The following RFX8 variants were observed in gnomAD, a reference collection of about 807,000 sequenced individuals.
The protein encoded by RFX8 is regulatory factor X8, also known as DNA-binding protein RFX8.
A neutral mutation model predicts 54.6 loss-of-function variants in RFX8; 46 were observed. The observed-to-expected ratio is 0.84, with a 90% CI of 0.67 to 1.08. The LOEUF (loss-of-function observed/expected upper bound fraction) is 1.08. RFX8 is among the 50% of genes least tolerant of loss of function. The pLI is 0.00. For synonymous variants in RFX8, 192 were observed against 209.5 expected, an observed-to-expected ratio of 0.92 and a Z score of 0.72; for missense variants, 536 against 562.3, an observed-to-expected ratio of 0.95 and a Z score of 0.47.
intron 2 of RFX8, among the ~76,000 whole-genome samples, chr2:101,432,080 C>T (rs929375274): frequency 1.3e-5 from 2 of 152,114 alleles, no homozygotes; most frequent in Non-Finnish European, 2.9e-5. Flanking sequence ...TCTACCTGGC[C>T]GGACAAAGAC....
intron 7 of RFX8, among the ~76,000 whole-genome samples, chr2:101,413,847 A>G (rs1686315285): frequency 6.6e-6 from 1 of 151,964 alleles, no homozygotes; most frequent in Non-Finnish European, 1.5e-5. Context: ...GTGGGACACA[A>G]CCCCGCTGAG....
At chr2:101,440,966 A>AATTTT (rs1688065606) in intron 2 of RFX8, among the ~76,000 whole-genome samples, 1 of 113,456 alleles carries the variant, frequency 8.8e-6, no homozygotes, top group Non-Finnish European at 1.8e-5. Context: ...CCATGTTGAA[A>AATTTT]TTTTTTTTTT....
In RFX8 at chr2:101,410,717, C is replaced by T. The variant is rs776688880; in HGVS notation, c.719-4G>A. The T allele has an allele frequency of 5.3e-5, 77 of 1,439,936 alleles. 1 individual carries two copies. In the South Asian group the frequency reaches 7.0e-4, roughly 13 times the overall value. 89.2% of individuals were successfully genotyped at this position (1,439,936 alleles called of 1,614,324 possible). On this transcript the variant is annotated splice_region_variant and splice_polypyrimidine_tract_variant and intron_variant, in intron 8 of 11. Transcript: ENST00000428343. Reference sequence around the variant, plus strand: ...AAAGAAATTAAGTTTCTTAAACCTACAAAGACACAAAATAAACAAACAAAA... The same window carrying T: ...AAAGAAATTAAGTTTCTTAAACCTATAAAGACACAAAATAAACAAACAAAA...
chr2:101,412,332 G>C (rs768673473), intron 8 of RFX8, among the ~76,000 whole-genome samples: 15 of 152,198 alleles, frequency 9.9e-5, no homozygotes, highest in Non-Finnish European at 1.8e-4. Context: ...AGCCAGCAAC[G>C]CAAGCTCTTT....
At chr2:101,439,581 G>A (rs1231009033) in intron 2 of RFX8, among the ~76,000 whole-genome samples, 1 of 140,964 alleles carries the variant, frequency 7.1e-6, no homozygotes, top group African/African-American at 2.6e-5. Flanking sequence ...ACATTATGAA[G>A]ATTAGATTGA....
intron 2 of RFX8, among the ~76,000 whole-genome samples, chr2:101,456,422 A>G (rs907197411): frequency 2.6e-5 from 4 of 152,170 alleles, no homozygotes; most frequent in African/African-American, 9.7e-5. Context: ...TTTAGCATGA[A>G]TGGCTGTTGA....
At chr2:101,406,518 G>A (rs1685746450) in intron 9 of RFX8, among the ~76,000 whole-genome samples, 1 of 145,918 alleles carries the variant, frequency 6.9e-6, no homozygotes, top group Admixed American at 6.9e-5. Flanking sequence ...GGGGGGGAGG[G>A]TGGGTAGAGA....
rs557898856 is a variant in RFX8, at chr2:101,438,663, A to AT, written c.73-16192dup. Among the ~76,000 whole-genome samples the AT allele has an allele frequency of 9.8e-5, 15 of 152,338 alleles. No homozygotes were observed. In the South Asian group the frequency reaches 2.7e-3, roughly 27 times the overall value. ...GTTTAATAAGAAACTGCCAAACTGT[A>AT]TTTCAGAGTGGCTAGACCATTTTAC... On this transcript the variant is annotated intron_variant, in intron 2 of 11. Transcript: ENST00000428343.
intron 2 of RFX8, among the ~76,000 whole-genome samples, chr2:101,459,235 C>T (rs186206389): frequency 1.1e-4 from 16 of 152,296 alleles, no homozygotes; most frequent in Admixed American, 9.2e-4. Context: ...AGTCATTCTC[C>T]GTCCAGTTTT....
At chr2:101,451,281 T>C (rs1688664589) in intron 2 of RFX8, among the ~76,000 whole-genome samples, 1 of 152,222 alleles carries the variant, frequency 6.6e-6, no homozygotes, top group African/African-American at 2.4e-5. Context: ...CTTCAATGTC[T>C]TCTCGCTGAT....
chr2:101,448,907 G>C (rs1028818916), intron 2 of RFX8, among the ~76,000 whole-genome samples: 1 of 152,218 alleles, frequency 6.6e-6, no homozygotes, highest in Non-Finnish European at 1.5e-5. Flanking sequence ...CAAAGAGCAG[G>C]AATGCTGGTT....
chr2:101,445,858 C>T (rs973445950), intron 2 of RFX8, among the ~76,000 whole-genome samples: 51 of 152,132 alleles, frequency 3.4e-4, no homozygotes, highest in African/African-American at 1.2e-3. Flanking sequence ...AATGAATGAA[C>T]AAATAAGTAA....
intron 2 of RFX8, among the ~76,000 whole-genome samples, chr2:101,464,669 A>T (rs988763322): frequency 1.2e-4 from 18 of 152,202 alleles, no homozygotes; most frequent in African/African-American, 4.3e-4. Context: ...GCTGAAAGTT[A>T]GTACCTTGGC....
In RFX8 at chr2:101,420,708, A is replaced by ACCT. The variant is rs1441180420; in HGVS notation, c.237+1013_237+1015dup. 4.6e-5 allele frequency among the ~76,000 whole-genome samples: 7 copies of ACCT among 152,102 alleles called. No individual in the cohort carries two copies. The South Asian group carries it at 1.5e-3, about 32-fold the overall frequency. ...TCCTACCCCATTTTCTGTCTATTGCACCTCTGCCTTTCCTACTAGAGTCAG... is the reference window on the plus strand; with the variant it reads ...TCCTACCCCATTTTCTGTCTATTGCACCTCCTCTGCCTTTCCTACTAGAGTCAG... On this transcript the variant is annotated intron_variant, in intron 4 of 11. Coordinates refer to ENST00000428343, the MANE Select transcript of RFX8 (RefSeq NM_001145664.2).
intron 2 of RFX8, among the ~76,000 whole-genome samples, chr2:101,455,549 G>T (rs1688920385): frequency 6.6e-6 from 1 of 152,094 alleles, no homozygotes; most frequent in Admixed American, 6.6e-5. Context: ...TATTTCTGAG[G>T]CCTCTGTTCT....
intron 2 of RFX8, among the ~76,000 whole-genome samples, chr2:101,444,444 C>T (rs559079619): frequency 9.2e-5 from 14 of 152,262 alleles, no homozygotes; most frequent in African/African-American, 3.4e-4. Flanking sequence ...CCTAACATAA[C>T]CAAAATTCCC....
chr2:101,446,934 A>G (rs139358285), intron 2 of RFX8, among the ~76,000 whole-genome samples: 3 of 152,324 alleles, frequency 2.0e-5, no homozygotes, highest in Non-Finnish European at 4.4e-5. Flanking sequence ...TAAATCTCTC[A>G]TTATAGCTAT....
At chr2:101,406,339 A>T (rs927991301) in intron 9 of RFX8, among the ~76,000 whole-genome samples, 11 of 146,488 alleles carry the variant, frequency 7.5e-5, no homozygotes, top group East Asian at 2.0e-4. Flanking sequence ...AAAAAAGCAA[A>T]TTTTTTTTTT....
At chr2:101,419,644 C>T (rs1383749838) in intron 4 of RFX8, among the ~76,000 whole-genome samples, 1 of 152,228 alleles carries the variant, frequency 6.6e-6, no homozygotes, top group Non-Finnish European at 1.5e-5. Context: ...TGAGGCATCA[C>T]AACCTTGTCG....
Sources: allele counts gnomAD v4.1 joint callset (sites outside exome capture counted in the v4.1 genomes callset), GRCh38; gene constraint gnomAD v4.1.1; transcripts MANE v1.5; gene names NCBI Gene and HGNC (gene_info 2026-07-23, HGNC 2026-07-21).